The following GALNT17 variants were observed in gnomAD, a reference collection of about 807,000 sequenced individuals.
GALNT17 encodes UDP-GalNAc:polypeptide N-acetylgalactosaminyltransferase-like 3.
GALNT17 carries 29 observed loss-of-function variants against 63.7 expected under a neutral mutation model. That is an observed-to-expected ratio of 0.46 (90% CI 0.34 to 0.62). GALNT17 has a LOEUF of 0.62. Ranked by LOEUF, GALNT17 falls within the 20% of genes least tolerant of loss-of-function variation. The pLI, the probability that GALNT17 is intolerant of heterozygous loss-of-function variation, is 0.01. For missense variants in GALNT17, 603 were observed against 799.6 expected (o/e 0.75, Z 2.97); for synonymous variants, 305 against 318.3 (o/e 0.96, Z 0.45).
chr7:71,320,965 G>A (rs1319945153), intron 1 of GALNT17, among the ~76,000 whole-genome samples: 1 of 152,142 alleles, frequency 6.6e-6, no homozygotes, highest in Admixed American at 6.5e-5. Context: ...GTCCCACTCT[G>A]TCCCTCCTCT....
intron 5 of GALNT17, among the ~76,000 whole-genome samples, chr7:71,489,431 A>G (rs999059099): frequency 3.9e-5 from 6 of 152,200 alleles, no homozygotes; most frequent in Admixed American, 3.3e-4. Flanking sequence ...GGCCTCAGCT[A>G]TTTGCCATGG....
At chr7:71,146,054 A>G (rs943450193) in intron 1 of GALNT17, among the ~76,000 whole-genome samples, 7 of 151,594 alleles carry the variant, frequency 4.6e-5, no homozygotes, top group Non-Finnish European at 1.0e-4. Flanking sequence ...TCCATTTTCT[A>G]TACCTCCCTG....
At chr7:71,361,906 T>C (rs1452024841) in intron 2 of GALNT17, among the ~76,000 whole-genome samples, 1 of 152,024 alleles carries the variant, frequency 6.6e-6, no homozygotes, top group Admixed American at 6.6e-5. Context: ...CTGGGCTAGG[T>C]GCTGTTCATG....
At chr7:71,224,186 G>A (rs1444857424) in intron 1 of GALNT17, among the ~76,000 whole-genome samples, 1 of 151,968 alleles carries the variant, frequency 6.6e-6, no homozygotes, top group African/African-American at 2.4e-5. Flanking sequence ...TCCTGAGTAG[G>A]GTAGTCATAT....
intron 6 of GALNT17, among the ~76,000 whole-genome samples, chr7:71,640,089 T>C (rs551674067): frequency 1.5e-4 from 23 of 152,308 alleles, no homozygotes; most frequent in African/African-American, 5.5e-4. Context: ...TTTTTTCCAA[T>C]AAGATTTGCA....
At chr7:71,208,376 G>A (rs185368166) in intron 1 of GALNT17, among the ~76,000 whole-genome samples, 23 of 151,672 alleles carry the variant, frequency 1.5e-4, no homozygotes, top group Admixed American at 1.4e-3. Context: ...GACCTACTCA[G>A]TGCAGACAAA....
intron 1 of GALNT17, among the ~76,000 whole-genome samples, chr7:71,180,874 G>C (rs2116312694): frequency 6.6e-6 from 1 of 152,274 alleles, no homozygotes; most frequent in Admixed American, 6.5e-5. Context: ...AAGCAGGTGT[G>C]ACAAGCTAGG....
intron 6 of GALNT17, among the ~76,000 whole-genome samples, chr7:71,583,446 C>A (rs1180912510): frequency 6.6e-6 from 1 of 152,132 alleles, no homozygotes; most frequent in East Asian, 1.9e-4. Flanking sequence ...GCCCCCGTAG[C>A]CCCTCCCTAG....
Position 71,473,740 on chromosome 7 carries a change from G to A in GALNT17, c.962+52635G>A, listed in dbSNP as rs554929736. 2.0e-5 allele frequency among the ~76,000 whole-genome samples: 3 copies of A among 152,150 alleles called. No individual in the cohort carries two copies. The East Asian group carries it at 5.8e-4, about 29-fold the overall frequency. On this transcript the variant is annotated intron_variant, in intron 5 of 10. Coordinates refer to ENST00000333538, the MANE Select transcript of GALNT17 (RefSeq NM_022479.3). ...TGGGGTGGCCTAGGCTTTTATTTTT[G>A]CCTTACACTTTGGACAAGTCTCCTA...
chr7:71,563,856 G>A (rs892130253), intron 5 of GALNT17, among the ~76,000 whole-genome samples: 2 of 152,140 alleles, frequency 1.3e-5, no homozygotes, highest in Non-Finnish European at 2.9e-5. Context: ...TGGGATTACA[G>A]GTGTGAGCCA....
chr7:71,388,232 C>T lies in GALNT17; in HGVS notation c.423-3C>T, dbSNP rs1792984532. 5 of 1,612,646 alleles carry T rather than the reference C, an allele frequency of 3.1e-6. No individual in the cohort carries two copies. The highest frequency in any genetic ancestry group is 4.2e-6 in the Non-Finnish European group (5 of 1,179,248). ...TCTGCATTTCCGATCTCTCCTTCCC[C>T]AGGTGTAAGGAGCTCAAGTACTCCA... On this transcript the variant is annotated splice_polypyrimidine_tract_variant and splice_region_variant and intron_variant, in intron 2 of 10. Coordinates refer to ENST00000333538, the MANE Select transcript of GALNT17 (RefSeq NM_022479.3).
intron 6 of GALNT17, among the ~76,000 whole-genome samples, chr7:71,646,730 A>C (rs533076791): frequency 6.3e-5 from 9 of 142,840 alleles, no homozygotes; most frequent in African/African-American, 2.0e-4. Flanking sequence ...TGGTCCCAAA[A>C]GGGGCATCCA....
intron 6 of GALNT17, among the ~76,000 whole-genome samples, chr7:71,619,472 C>G (rs544288625): frequency 1.3e-5 from 2 of 152,282 alleles, no homozygotes; most frequent in African/African-American, 4.8e-5. Context: ...TTTCTTTCAG[C>G]AGTGTTTTCT....
At chr7:71,420,166 C>A (rs1398023995) in intron 4 of GALNT17, among the ~76,000 whole-genome samples, 1 of 152,168 alleles carries the variant, frequency 6.6e-6, no homozygotes, top group East Asian at 1.9e-4. Context: ...GTGGAGGTGT[C>A]TGGCCATCTG....
chr7:71,282,550 A>G (rs76591010), intron 1 of GALNT17, among the ~76,000 whole-genome samples: 1,528 of 152,292 alleles, frequency 0.01, 16 homozygotes, highest in African/African-American at 0.035. Context: ...GCCTGTTTAG[A>G]CAACCAGTGT....
chr7:71,393,001 A>G (rs1793077272), intron 3 of GALNT17, among the ~76,000 whole-genome samples: 1 of 152,324 alleles, frequency 6.6e-6, no homozygotes, highest in South Asian at 2.1e-4. Context: ...AATTTTGTGT[A>G]TTCTGGTAGG....
chr7:71,702,292 G>T (rs10265610), intron 9 of GALNT17, among the ~76,000 whole-genome samples: 20,706 of 151,954 alleles, frequency 0.14, 1,599 homozygotes, highest in African/African-American at 0.2. Context: ...TTTAAAAATA[G>T]AAAAACAGAA....
intron 1 of GALNT17, among the ~76,000 whole-genome samples, chr7:71,213,115 T>C (rs1312232252): frequency 6.6e-6 from 1 of 152,176 alleles, no homozygotes; most frequent in Non-Finnish European, 1.5e-5. Context: ...TCTCCCAGAA[T>C]TCCCACCTGT....
chr7:71,173,259 A>G (rs1038495817), intron 1 of GALNT17, among the ~76,000 whole-genome samples: 2 of 152,136 alleles, frequency 1.3e-5, no homozygotes, highest in Non-Finnish European at 1.5e-5. Flanking sequence ...ATGGTTCTAC[A>G]TGTGCACCCT....
Sources: allele counts gnomAD v4.1 joint callset (sites outside exome capture counted in the v4.1 genomes callset), GRCh38; gene constraint gnomAD v4.1.1; transcripts MANE v1.5; gene names NCBI Gene and HGNC (gene_info 2026-07-23, HGNC 2026-07-21).